TRABD2A: variants seen among roughly 807,000 people sequenced by gnomAD.
TRABD2A encodes the protein TraB domain containing 2A, also known as metalloprotease TIKI1.
A neutral mutation model predicts 45.6 loss-of-function variants in TRABD2A; 43 were observed. The observed-to-expected ratio is 0.94, with a 90% confidence interval of 0.74 to 1.22. TRABD2A has a LOEUF of 1.22. Ranked by LOEUF, TRABD2A falls within the 50% of genes most tolerant of loss-of-function variation. TRABD2A has a pLI of 0.00. For missense variants in TRABD2A, 642 were observed against 652.4 expected (o/e 0.98, Z 0.17); for synonymous variants, 269 against 265.0 (o/e 1.02, Z -0.15).
intron 2 of TRABD2A, among the ~76,000 whole-genome samples, chr2:84,867,984 G>A (rs1176005281): frequency 9.2e-5 from 14 of 152,206 alleles, no homozygotes; most frequent in Non-Finnish European, 1.5e-5. Flanking sequence ...TACACTGTTG[G>A]TGGGACTGTA....
chr2:84,880,819 C>T, intron 1 of TRABD2A, 113 bp downstream of exon 1: 4 of 1,478,282 alleles, frequency 2.7e-6, no homozygotes, highest in Non-Finnish European at 3.7e-6. Context: ...GGTGAAAGCC[C>T]AGCCGCGGAA....
chr2:84,870,400 G>A lies in TRABD2A; in HGVS notation c.494C>T (p.Pro165Leu). 1 of 1,614,040 alleles carries A rather than the reference G, an allele frequency of 6.2e-7. No individual in the cohort carries two copies. ...AIAGNWERKR[P>L]VWVMLMVNSL... ...GTTGACCATGAGCATCACCCAGACA[G>A]GCCTCTTGCGCTCCCAGTTTCCGGC... Residue 165 changes from proline to leucine, a missense_variant, in exon 2 of 7, where the codon CCT becomes CTT. Coordinates refer to ENST00000409520, the MANE Select transcript of TRABD2A (RefSeq NM_001277053.2).
At chr2:84,824,609 G>A (rs1681101567) in intron 5 of TRABD2A, among the ~76,000 whole-genome samples, 2 of 144,296 alleles carry the variant, frequency 1.4e-5, no homozygotes, top group African/African-American at 5.2e-5. Context: ...GGAGTGCAGT[G>A]GCCCAATCAT....
intron 2 of TRABD2A, chr2:84,850,827 A>G (rs2105390277): frequency 1.3e-5 from 2 of 152,338 alleles, no homozygotes; most frequent in South Asian, 4.1e-4. Flanking sequence ...CCAAATGGTA[A>G]CAGTGGCCAT....
At chr2:84,846,825 A>G (rs1681913505) in intron 2 of TRABD2A, among the ~76,000 whole-genome samples, 1 of 152,250 alleles carries the variant, frequency 6.6e-6, no homozygotes, top group African/African-American at 2.4e-5. Context: ...GTGGGATCAA[A>G]GTGTCCTTAC....
At chr2:84,843,260 C>T (rs1681771220) in intron 2 of TRABD2A, among the ~76,000 whole-genome samples, 1 of 152,112 alleles carries the variant, frequency 6.6e-6, no homozygotes, top group Non-Finnish European at 1.5e-5. Flanking sequence ...TGCTGCAATA[C>T]AGACAGGCTT....
rs1303134419 is a variant in TRABD2A at position 84,848,367 on chromosome 2, TAGATAGATAGACAGAC to T, written c.670-6376_670-6361del. 2.4e-4 allele frequency among the ~76,000 whole-genome samples: 33 copies of T among 136,478 alleles called. No homozygotes were observed. In the East Asian group the frequency reaches 2.9e-3, roughly 12 times the overall value. 89.5% of individuals were successfully genotyped at this position (136,478 alleles called of 152,430 possible). On this transcript the variant is annotated intron_variant, in intron 2 of 6. Coordinates refer to ENST00000409520, the MANE Select transcript of TRABD2A (RefSeq NM_001277053.2). ...ATAGATAGATAGATAGATAGATAGA[TAGATAGATAGACAGAC>T]AGACAGACAGACAGACAGACAGACA...
chr2:84,833,760 C>G (rs890885419), intron 4 of TRABD2A: 6 of 151,040 alleles, frequency 4.0e-5, no homozygotes, highest in Admixed American at 2.6e-4. Flanking sequence ...CTCACAGCCC[C>G]TGGGCACTTC....
At chr2:84,849,895 G>T (rs1257681332) in intron 2 of TRABD2A, among the ~76,000 whole-genome samples, 1 of 152,212 alleles carries the variant, frequency 6.6e-6, no homozygotes, top group African/African-American at 2.4e-5. Context: ...GGCAGAATGG[G>T]CCAGCATGCT....
intron 2 of TRABD2A, among the ~76,000 whole-genome samples, chr2:84,868,393 A>C (rs1479566013): frequency 7.1e-6 from 1 of 141,758 alleles, no homozygotes; most frequent in Non-Finnish European, 1.5e-5. Flanking sequence ...CAATGAGAAC[A>C]CTTGGACACA....
At chr2:84,848,251 A>T (rs1681962933) in intron 2 of TRABD2A, among the ~76,000 whole-genome samples, 1 of 144,162 alleles carries the variant, frequency 6.9e-6, no homozygotes, top group African/African-American at 2.6e-5. Flanking sequence ...TTGCCTTCCA[A>T]TTCCCGTTCC....
At chr2:84,855,807 G>A (rs1481826150) in intron 2 of TRABD2A, among the ~76,000 whole-genome samples, 1 of 152,098 alleles carries the variant, frequency 6.6e-6, no homozygotes, top group Non-Finnish European at 1.5e-5. Flanking sequence ...GTCCCAGTTG[G>A]GGCATTGTTG....
chr2:84,874,347 G>A (rs1338326098), intron 1 of TRABD2A, among the ~76,000 whole-genome samples: 1 of 152,172 alleles, frequency 6.6e-6, no homozygotes, highest in Non-Finnish European at 1.5e-5. Context: ...TTCACTGTGT[G>A]CCAGCCTCCA....
chr2:84,830,310 C>A lies in TRABD2A; in HGVS notation c.1082+1745G>T, dbSNP rs1681289045. ...CGGTCAAGGGGAGGAGAGGAGGGCTCCTCAGAAGGGGGAAGTAGCGTCAGT... is the reference window on the plus strand; with the variant it reads ...CGGTCAAGGGGAGGAGAGGAGGGCTACTCAGAAGGGGGAAGTAGCGTCAGT... On this transcript the variant is annotated intron_variant, in intron 5 of 6. Transcript: ENST00000409520. This position sits in a 1 kb window ranked among gnomAD's most constrained non-coding sequence, Gnocchi z 4.9. Among the ~76,000 whole-genome samples the A allele has an allele frequency of 6.6e-6, 1 of 152,094 alleles. No homozygotes were observed. Among genetic ancestry groups the A allele is most frequent in the Non-Finnish European group, 1.5e-5 (1 of 68,026 alleles).
intron 2 of TRABD2A, among the ~76,000 whole-genome samples, chr2:84,850,310 T>A (rs994533606): frequency 3.9e-5 from 6 of 152,192 alleles, no homozygotes; most frequent in African/African-American, 1.4e-4. Context: ...AGGATGGGTT[T>A]ACAATTATAA....
intron 1 of TRABD2A, among the ~76,000 whole-genome samples, chr2:84,873,673 T>C (rs1386839057): frequency 6.6e-6 from 1 of 152,244 alleles, no homozygotes; most frequent in Non-Finnish European, 1.5e-5. Flanking sequence ...GTAACTAAAA[T>C]AGATGCTAAT....
intron 2 of TRABD2A, among the ~76,000 whole-genome samples, chr2:84,853,718 C>T (rs1682177336): frequency 6.6e-6 from 1 of 152,222 alleles, no homozygotes; most frequent in Non-Finnish European, 1.5e-5. Flanking sequence ...CACTGACTGG[C>T]CAATACCTCA....
chr2:84,850,053 A>G (rs1219629873), intron 2 of TRABD2A, among the ~76,000 whole-genome samples: 2 of 152,112 alleles, frequency 1.3e-5, no homozygotes, highest in African/African-American at 4.8e-5. Context: ...TTCCAAGGAG[A>G]TTTCCTCTCT....
chr2:84,851,355 G>T (rs1682089047), intron 2 of TRABD2A, among the ~76,000 whole-genome samples: 1 of 152,222 alleles, frequency 6.6e-6, no homozygotes, highest in African/African-American at 2.4e-5. Context: ...AGAAAAAAAT[G>T]AGCCACCAGT....
Sources: gnomAD v4.1 joint callset for allele counts (sites outside exome capture counted in the v4.1 genomes callset) on GRCh38, gnomAD v4.1.1 for gene constraint, Gnocchi (gnomAD v3.1) non-coding constraint, MANE v1.5 for transcripts, NCBI Gene and HGNC (gene_info 2026-07-23, HGNC 2026-07-21) for gene names.